The following NFATC1 variants were observed in gnomAD, a reference collection of about 807,000 sequenced individuals.
The protein encoded by NFATC1 is nuclear factor of activated T cells 1, also known as nuclear factor of activated T-cells, cytoplasmic 1.
Under a neutral mutation model 76.0 loss-of-function variants are expected in NFATC1, and 22 were observed. The ratio of observed to expected loss-of-function variants is 0.29; its 90% CI spans 0.21 to 0.41. The LOEUF is 0.41. Among genes scored for constraint, NFATC1 ranks in the 10% least tolerant of loss-of-function variants. The pLI, the probability that NFATC1 is intolerant of heterozygous loss-of-function variation, is 1.00. For missense variants in NFATC1, 1,357 were observed against 1,337.7 expected, an observed-to-expected ratio of 1.01 and a Z score of -0.23; for synonymous variants, 704 against 613.1, an observed-to-expected ratio of 1.15 and a Z score of -2.19.
At position 79,451,808 on chromosome 18, in the gene NFATC1, A is replaced by G; in HGVS notation, c.1895A>G (p.Lys632Arg). The change falls in exon 6 of 10, where the codon AAA becomes AGA. Residue 632 changes from lysine (K) to arginine (R), a missense_variant. Around this residue, in one of 3 missense-constraint regions of NFATC1, gnomAD observed 242 missense variants for 329.2 expected, o/e 0.74. Coordinates refer to ENST00000427363, the MANE Select transcript of NFATC1 (RefSeq NM_001278669.2). ...LQDSKVIFVEKAPDGHHVWEM... is the reference protein window; with the variant it reads ...LQDSKVIFVERAPDGHHVWEM... ...GACTCCAAGGTCATTTTCGTGGAGA[A>G]AGCCCCAGGTATGCTCTTCACCAGG... 2 of 1,610,306 alleles carry G rather than the reference A, an allele frequency of 1.2e-6. No individual in the cohort carries two copies. The highest frequency in any genetic ancestry group is 1.7e-6 in the Non-Finnish European group (2 of 1,178,170).
intron 9 of NFATC1, among the ~76,000 whole-genome samples, chr18:79,501,192 T>C (rs1451249022): frequency 1.3e-5 from 2 of 152,216 alleles, no homozygotes; most frequent in Non-Finnish European, 2.9e-5. Context: ...TGAAGTCATG[T>C]GATGTACCAT....
chr18:79,451,039 C>G lies in NFATC1; in HGVS notation c.1675C>G (p.Arg559Gly). The G allele has an allele frequency of 1.9e-6, 3 of 1,613,810 alleles. No individual in the cohort carries two copies. The highest frequency in any genetic ancestry group is 2.5e-6 in the Non-Finnish European group (3 of 1,180,014). ...GACGGACATCGGGAGGAAGAACACA[C>G]GGGTACGGCTGGTGTTCCGCGTTCA... ...GETDIGRKNT[R>G]VRLVFRVHVP... Residue 559 changes from arginine to glycine, a missense_variant, in exon 5 of 10, where the codon CGG becomes GGG. Arg to Gly is a moderately radical substitution (Grantham distance 125). Transcript: ENST00000427363.
chr18:79,475,846 A>G (rs1284128292), intron 8 of NFATC1, among the ~76,000 whole-genome samples: 1 of 152,206 alleles, frequency 6.6e-6, no homozygotes, highest in East Asian at 1.9e-4. Context: ...GCGTGTCCTC[A>G]GAGCGTGTTT....
At chr18:79,508,766 G>A (rs557787463) in intron 9 of NFATC1, among the ~76,000 whole-genome samples, 137 of 147,822 alleles carry the variant, frequency 9.3e-4, no homozygotes, top group Non-Finnish European at 2.7e-4. Context: ...TCCCTTCCTC[G>A]CTCTGTTTCT....
At chr18:79,401,907 A>G (rs967811540) in intron 1 of NFATC1, among the ~76,000 whole-genome samples, 9 of 152,222 alleles carry the variant, frequency 5.9e-5, no homozygotes, top group African/African-American at 1.9e-4. Context: ...GGGGGCCTGC[A>G]GGACAGTGTA....
Position 79,486,335 on chromosome 18 carries a change from G to A in NFATC1, c.2180G>A (p.Arg727Lys), listed in dbSNP as rs374524910. 125 of 1,613,122 alleles carry A rather than the reference G, an allele frequency of 7.7e-5. 2 individuals are homozygous for A. In the Middle Eastern group the frequency reaches 1.5e-3, roughly 19 times the overall value. The change falls in exon 9 of 10, where the codon AGA becomes AAA. Residue 727 changes from arginine (R) to lysine (K), a missense_variant. Arg to Lys is a conservative substitution (Grantham distance 26). Transcript: ENST00000427363. ...AGCCAGGGGTTAAGTCCTCTCCCAAGACCATACTACAGCCAGCAGCTCGCG... is the reference window on the plus strand; with the variant it reads ...AGCCAGGGGTTAAGTCCTCTCCCAAAACCATACTACAGCCAGCAGCTCGCG... Reference protein sequence around the residue: ...PVSQGLSPLPRPYYSQQLAMP... With the variant: ...PVSQGLSPLPKPYYSQQLAMP...
chr18:79,419,412 G>GC lies in NFATC1; in HGVS notation c.1226+7916dup, dbSNP rs568708953. Among the ~76,000 whole-genome samples, 19 of 144,624 alleles carry GC rather than the reference G, an allele frequency of 1.3e-4. No individual in the cohort carries two copies. The East Asian group carries it at 3.9e-3, about 30-fold the overall frequency. The allele number at this position is 144,624 out of a possible 152,430, so 94.9% of individuals were successfully genotyped here. On this transcript the variant is annotated intron_variant, in intron 2 of 9. Coordinates refer to ENST00000427363, the MANE Select transcript of NFATC1 (RefSeq NM_001278669.2). ...TAGGAGGGTCAGAACCTGCCCGGGA[G>GC]CCCCCTAGGAGGGTCAGAACCTGCC...
At chr18:79,481,467 G>A (rs1183266484) in intron 8 of NFATC1, among the ~76,000 whole-genome samples, 2 of 152,232 alleles carry the variant, frequency 1.3e-5, no homozygotes, top group South Asian at 2.1e-4. Context: ...ACATGAGGGC[G>A]CCGTGTCCTC....
At chr18:79,409,688 A>G (rs531341814) in intron 1 of NFATC1, among the ~76,000 whole-genome samples, 27 of 152,102 alleles carry the variant, frequency 1.8e-4, no homozygotes, top group Admixed American at 1.8e-3. Context: ...CTGTCTATCC[A>G]TCATCCATTG....
In NFATC1 at chr18:79,528,671, C is replaced by T. The variant is rs1347699914; in HGVS notation, c.*1094C>T. ...GCAACCTAAGTGTAATATATTTGTTCAGTTATAAGATGATTGTTTCACAGA... is the reference window on the plus strand; with the variant it reads ...GCAACCTAAGTGTAATATATTTGTTTAGTTATAAGATGATTGTTTCACAGA... On this transcript the variant is annotated 3_prime_UTR_variant, in exon 10 of 10. Transcript: ENST00000427363. 2 of 152,202 alleles carry T rather than the reference C, an allele frequency of 1.3e-5. No homozygotes were observed. Among genetic ancestry groups the T allele is most frequent in the East Asian group, 1.9e-4 (1 of 5,196 alleles). The allele number at this position is 152,202 out of a possible 1,614,324, so 9.4% of individuals were successfully genotyped here. A position where few individuals can be genotyped will look rare whatever the true frequency, so the allele number is the denominator to read the frequency against.
At chr18:79,430,082 G>A (rs2086536744) in intron 2 of NFATC1, among the ~76,000 whole-genome samples, 1 of 152,204 alleles carries the variant, frequency 6.6e-6, no homozygotes, top group African/African-American at 2.4e-5. Flanking sequence ...CACCGAGTCG[G>A]TTCACACGAG....
chr18:79,420,386 T>C (rs1190567431), intron 2 of NFATC1, among the ~76,000 whole-genome samples: 2 of 27,032 alleles, frequency 7.4e-5, no homozygotes, highest in Non-Finnish European at 1.4e-4. Flanking sequence ...GGAAGGAGGG[T>C]CGCGTTTCCA....
intron 8 of NFATC1, among the ~76,000 whole-genome samples, chr18:79,479,013 G>A (rs1399005867): frequency 6.6e-6 from 1 of 152,234 alleles, no homozygotes; most frequent in South Asian, 2.1e-4. Flanking sequence ...CGATGGGGCA[G>A]CCATCATGGA....
At chr18:79,514,518 A>T (rs925622332) in intron 9 of NFATC1, among the ~76,000 whole-genome samples, 1 of 133,880 alleles carries the variant, frequency 7.5e-6, no homozygotes, top group African/African-American at 2.8e-5. Flanking sequence ...GTGAGCTGTG[A>T]TCGAACCACT....
chr18:79,426,438 C>T (rs1449479262), intron 2 of NFATC1, among the ~76,000 whole-genome samples: 5 of 152,104 alleles, frequency 3.3e-5, no homozygotes, highest in South Asian at 2.1e-4. Flanking sequence ...CGTCCCATGC[C>T]GCTTCCACCG....
intron 9 of NFATC1, among the ~76,000 whole-genome samples, chr18:79,511,488 GGAGGGCGGCACAGGTAATGGCTGT>G (rs2090252280): frequency 6.6e-6 from 1 of 152,234 alleles, no homozygotes; most frequent in African/African-American, 2.4e-5. Context: ...TTAAGCCAGG[GGAGGGCGGCACAGGTAATGGCTGT>G]GAGGGCACCA....
intron 2 of NFATC1, among the ~76,000 whole-genome samples, chr18:79,429,752 G>C (rs139032893): frequency 2.0e-5 from 3 of 152,316 alleles, no homozygotes; most frequent in Non-Finnish European, 2.9e-5. Context: ...TTAATTGTCT[G>C]GATTATGATA....
intron 9 of NFATC1, among the ~76,000 whole-genome samples, chr18:79,519,837 G>A (rs1015923627): frequency 6.6e-6 from 1 of 152,226 alleles, no homozygotes; most frequent in African/African-American, 2.4e-5. Flanking sequence ...GCAGCTTAAA[G>A]TGGGATTATT....
chr18:79,498,301 G>A (rs1157004172), intron 9 of NFATC1: 1 of 151,512 alleles, frequency 6.6e-6, no homozygotes, highest in East Asian at 1.9e-4. Flanking sequence ...TTACAGGGGA[G>A]TGTGGCAAAT....
Sources: gnomAD v4.1 joint callset for allele counts (sites outside exome capture counted in the v4.1 genomes callset) on GRCh38, gnomAD v4.1.1 for gene constraint, gnomAD v4.1.1 regional missense constraint, MANE v1.5 for transcripts, NCBI Gene and HGNC (gene_info 2026-07-23, HGNC 2026-07-21) for gene names.